Variants in NSL1 observed in about 807,000 individuals in gnomAD.
NSL1 encodes the protein NSL1 component of MIS12 kinetochore complex.
In NSL1, 11 loss-of-function variants were observed where a neutral mutation model predicts 25.4. The ratio of observed to expected loss-of-function variants is 0.43; its 90% confidence interval spans 0.27 to 0.72. The LOEUF is 0.72. Among genes scored for constraint, NSL1 ranks in the 30% least tolerant of loss-of-function variants. NSL1 has a pLI of 0.19. For missense variants in NSL1, 330 were observed against 342.7 expected (o/e 0.96, Z 0.29); for synonymous variants, 118 against 120.6 (o/e 0.98, Z 0.14).
At position 212,734,505 on chromosome 1, in the gene NSL1, C is replaced by T. The variant is rs1389597196; in HGVS notation, c.*3903G>A. Among the ~76,000 whole-genome samples, 1 of 152,190 alleles carries T rather than the reference C, an allele frequency of 6.6e-6. No homozygotes were observed. The highest frequency in any genetic ancestry group is 1.9e-4 in the East Asian group (1 of 5,198). ...GCACCACTCAGATCAAGATACAGAA[C>T]ATTTTGCTCACCCAAAAATGTTTCC... On this transcript the variant is annotated 3_prime_UTR_variant, in exon 6 of 6. Transcript: ENST00000366977.
At chr1:212,778,972 G>A (rs1418455156) in intron 4 of NSL1, among the ~76,000 whole-genome samples, 3 of 150,128 alleles carry the variant, frequency 2.0e-5, no homozygotes, top group South Asian at 2.1e-4. Context: ...CTTCCCGGCC[G>A]CCATCCCATC....
rs1009792569 is a variant in NSL1 at position 212,749,881 on chromosome 1, A to G, written c.500-10280T>C. Among the ~76,000 whole-genome samples, 4 of 150,958 alleles carry G rather than the reference A, an allele frequency of 2.6e-5. No individual in the cohort carries two copies. In the South Asian group the frequency reaches 8.5e-4, roughly 32 times the overall value. ...AATTATAAACATATTTTAACAAATGAATGTCTAGTGAGATATCCTAAAGTT... is the reference window on the plus strand; with the variant it reads ...AATTATAAACATATTTTAACAAATGGATGTCTAGTGAGATATCCTAAAGTT... On this transcript the variant is annotated intron_variant, in intron 4 of 5. Coordinates refer to ENST00000366977, the MANE Select transcript of NSL1 (RefSeq NM_015471.4).
At chr1:212,780,944 C>T (rs1262707545) in intron 4 of NSL1, among the ~76,000 whole-genome samples, 2 of 151,990 alleles carry the variant, frequency 1.3e-5, no homozygotes, top group Admixed American at 6.6e-5. Context: ...AAGCATCAGG[C>T]GGCAAATCCA....
intron 4 of NSL1, among the ~76,000 whole-genome samples, chr1:212,753,566 T>TATA (rs1659164281): frequency 6.6e-6 from 1 of 152,214 alleles, no homozygotes; most frequent in African/African-American, 2.4e-5. Context: ...ATATAAACTC[T>TATA]ATAGAGTAAG....
In NSL1 at chr1:212,732,750, CT is replaced by C; in HGVS notation, c.*5657del. ...TACCCTTTGGAATAGAGCACAGCCC[CT>C]GGTAGAACCCCCAAACGGGATGCCT... On this transcript the variant is annotated 3_prime_UTR_variant, in exon 6 of 6. Transcript: ENST00000366977. 1.6e-6 allele frequency: 1 copy of C among 633,950 alleles called. No individual in the cohort carries two copies. Among genetic ancestry groups the C allele is most frequent in the Non-Finnish European group, 2.0e-6 (1 of 508,848 alleles). 39.3% of individuals were successfully genotyped at this position (633,950 alleles called of 1,614,324 possible).
chr1:212,737,428 A>G lies in NSL1; in HGVS notation c.*980T>C, dbSNP rs1391705484. 1 of 985,220 alleles carries G rather than the reference A, an allele frequency of 1.0e-6. No homozygotes were observed. Among genetic ancestry groups the G allele is most frequent in the Non-Finnish European group, 1.2e-6 (1 of 829,816 alleles). 61.0% of individuals were successfully genotyped at this position (985,220 alleles called of 1,614,324 possible). The stretch of plus-strand genomic sequence containing the variant: ...AGGTATCAGAGTCATCAAAAGGGGA[A>G]ACAGTTGGTAAGTTTGATGGCCCTG... On this transcript the variant is annotated 3_prime_UTR_variant, in exon 6 of 6. Transcript: ENST00000366977.
intron 4 of NSL1, among the ~76,000 whole-genome samples, chr1:212,775,614 A>C (rs1000370042): frequency 2.9e-4 from 44 of 152,072 alleles, no homozygotes; most frequent in East Asian, 1.9e-3. Context: ...AAAAAAAACA[A>C]AACAAAACTC....
chr1:212,788,672 T>G (rs1303084398), intron 1 of NSL1, among the ~76,000 whole-genome samples: 1 of 152,212 alleles, frequency 6.6e-6, no homozygotes, highest in East Asian at 1.9e-4. Flanking sequence ...AGGACTACTC[T>G]CATAAAAACT....
intron 1 of NSL1, among the ~76,000 whole-genome samples, chr1:212,790,909 C>G (rs1319570577): frequency 1.3e-5 from 2 of 150,140 alleles, no homozygotes; most frequent in African/African-American, 2.4e-5. Context: ...GGCGACAGAG[C>G]GAGACTCTGT....
Position 212,738,290 on chromosome 1 carries a change from AATC to A in NSL1, c.*115_*117del. ...CAGAGATACTATATCTGTATAAATG[AATC>A]ACTAGTAAAAGAGTTATTTCTTATT... On this transcript the variant is annotated 3_prime_UTR_variant, in exon 6 of 6. Transcript: ENST00000366977. The A allele has an allele frequency of 6.8e-7, 1 of 1,474,852 alleles. No homozygotes were observed. Among genetic ancestry groups the A allele is most frequent in the Non-Finnish European group, 9.0e-7 (1 of 1,115,198 alleles). The allele number at this position is 1,474,852 out of a possible 1,614,324, so 91.4% of individuals were successfully genotyped here.
intron 1 of NSL1, among the ~76,000 whole-genome samples, chr1:212,791,265 C>T (rs973839043): frequency 3.9e-5 from 6 of 152,146 alleles, no homozygotes; most frequent in African/African-American, 7.2e-5. Flanking sequence ...ATTAACTTCA[C>T]CTATTTCTTA....
At chr1:212,788,140 G>T (rs1661024059) in intron 1 of NSL1, among the ~76,000 whole-genome samples, 2 of 152,340 alleles carry the variant, frequency 1.3e-5, no homozygotes, top group African/African-American at 4.8e-5. Flanking sequence ...TAGGCCAGGT[G>T]CAGTGGCTCA....
rs1004678148 is a variant in NSL1 at position 212,731,125 on chromosome 1, A to T, written c.*7283T>A. On this transcript the variant is annotated 3_prime_UTR_variant, in exon 6 of 6. Coordinates refer to ENST00000366977, the MANE Select transcript of NSL1 (RefSeq NM_015471.4). ...CCCTTCAGTGGTTCTCTAGAGAGATATTTTTTTCTTCAGAGACTTTCATAA... is the reference window on the plus strand; with the variant it reads ...CCCTTCAGTGGTTCTCTAGAGAGATTTTTTTTTCTTCAGAGACTTTCATAA... 8.1e-6 allele frequency: 8 copies of T among 983,188 alleles called. No homozygotes were observed. Among genetic ancestry groups the T allele is most frequent in the Non-Finnish European group, 9.6e-6 (8 of 829,264 alleles). The allele number at this position is 983,188 out of a possible 1,614,324, so 60.9% of individuals were successfully genotyped here. A position where few individuals can be genotyped will look rare whatever the true frequency, so the allele number is the denominator to read the frequency against.
chr1:212,749,949 A>G (rs1658988460), intron 4 of NSL1, among the ~76,000 whole-genome samples: 1 of 144,372 alleles, frequency 6.9e-6, no homozygotes. Flanking sequence ...GCCCCTGACT[A>G]CAAAGTGCCA....
chr1:212,747,495 G>A (rs1397003160), intron 4 of NSL1, among the ~76,000 whole-genome samples: 1 of 152,214 alleles, frequency 6.6e-6, no homozygotes, highest in Non-Finnish European at 1.5e-5. Flanking sequence ...CACAGTCCCA[G>A]GTGAGCCCTG....
At chr1:212,784,564 G>A in intron 2 of NSL1, 71 bp from the exon 3 acceptor site, 1 of 942,794 alleles carries the variant, frequency 1.1e-6, no homozygotes, top group South Asian at 2.4e-5. Context: ...GTATGGAAAT[G>A]TGCTATAAAC....
At chr1:212,771,800 C>T (rs1326406773) in intron 4 of NSL1, among the ~76,000 whole-genome samples, 2 of 151,818 alleles carry the variant, frequency 1.3e-5, no homozygotes, top group Non-Finnish European at 2.9e-5. Context: ...TAAATTTAAC[C>T]AAGGAAGCAA....
In NSL1 at chr1:212,737,265, A is replaced by C; in HGVS notation, c.*1143T>G. On this transcript the variant is annotated 3_prime_UTR_variant, in exon 6 of 6. Coordinates refer to ENST00000366977, the MANE Select transcript of NSL1 (RefSeq NM_015471.4). Reference sequence around the variant, plus strand: ...ACACAAAATGCAACAAAGTGGCTTTATAAGTTTTCTTCACTGAGACAGACC... The same window carrying C: ...ACACAAAATGCAACAAAGTGGCTTTCTAAGTTTTCTTCACTGAGACAGACC... 1 of 985,376 alleles carries C rather than the reference A, an allele frequency of 1.0e-6. No individual in the cohort carries two copies. Among genetic ancestry groups the C allele is most frequent in the Non-Finnish European group, 1.2e-6 (1 of 829,832 alleles). The allele number at this position is 985,376 out of a possible 1,614,324, so 61.0% of individuals were successfully genotyped here. A position where few individuals can be genotyped will look rare whatever the true frequency, so the allele number is the denominator to read the frequency against.
At chr1:212,768,260 C>A (rs976489730) in intron 4 of NSL1, among the ~76,000 whole-genome samples, 1 of 132,426 alleles carries the variant, frequency 7.6e-6, no homozygotes, top group Non-Finnish European at 1.5e-5. Context: ...GCGGAGCTTG[C>A]AGTGAGCCGA....
Sources: allele counts gnomAD v4.1 joint callset (sites outside exome capture counted in the v4.1 genomes callset), GRCh38; gene constraint gnomAD v4.1.1; transcripts MANE v1.5; gene names NCBI Gene and HGNC (gene_info 2026-07-23, HGNC 2026-07-21).